Variants in VIP observed in about 807,000 individuals in gnomAD.
VIP encodes the protein vasoactive intestinal peptide, also known as VIP peptides.
Under a neutral mutation model 20.1 loss-of-function variants are expected in VIP, and 18 were observed. The observed-to-expected ratio is 0.90, with a 90% CI of 0.62 to 1.33. The LOEUF (loss-of-function observed/expected upper bound fraction) is 1.33, where lower values mean the gene tolerates loss of function less well. Among genes scored for constraint, VIP ranks in the 40% most tolerant of loss-of-function variants. VIP has a pLI of 0.00. For missense variants in VIP, 209 were observed against 199.4 expected, an observed-to-expected ratio of 1.05 and a Z score of -0.29; for synonymous variants, 70 against 68.1, an observed-to-expected ratio of 1.03 and a Z score of -0.14.
intron 5 of VIP, 106 bp from the exon 6 acceptor site, chr6:152,756,990 C>T: frequency 1.9e-6 from 2 of 1,036,838 alleles, no homozygotes; most frequent in Non-Finnish European, 1.4e-6. Context: ...CCTCCCCATA[C>T]ACTTTCAGAG....
chr6:152,758,291 T>A (rs1441601714), intron 6 of VIP, among the ~76,000 whole-genome samples: 1 of 151,948 alleles, frequency 6.6e-6, no homozygotes, highest in African/African-American at 2.4e-5. Flanking sequence ...GGACATGGTG[T>A]CTGGGAAGAT....
intron 4 of VIP, among the ~76,000 whole-genome samples, chr6:152,755,768 G>A (rs1471738151): frequency 6.6e-6 from 1 of 151,588 alleles, no homozygotes; most frequent in Non-Finnish European, 1.5e-5. Context: ...CAAATATTTA[G>A]ATGACGTTGC....
rs1034736509 is a variant in VIP, at chr6:152,759,279, C to T, written c.*413C>T. The T allele has an allele frequency of 1.3e-5, 2 of 151,836 alleles. No individual in the cohort carries two copies. Among genetic ancestry groups the T allele is most frequent in the Non-Finnish European group, 2.9e-5 (2 of 67,920 alleles). 9.4% of individuals were successfully genotyped at this position (151,836 alleles called of 1,614,324 possible). A position where few individuals can be genotyped will look rare whatever the true frequency, so the allele number is the denominator to read the frequency against. On this transcript the variant is annotated 3_prime_UTR_variant, in exon 7 of 7. Transcript: ENST00000367244. ...TACTTAACTATTCAGGAGAGTAGAA[C>T]AGATAATCAGTGTGTCTAAATTTGA... is the stretch of plus-strand genomic sequence containing the variant.
At chr6:152,753,834 A>C (rs2129074372) in intron 2 of VIP, among the ~76,000 whole-genome samples, 1 of 152,170 alleles carries the variant, frequency 6.6e-6, no homozygotes, top group Admixed American at 6.6e-5. Context: ...ACGAAATTTG[A>C]CTTTGCAAAG....
intron 5 of VIP, 132 bp from the exon 6 acceptor site, chr6:152,756,964 A>G (rs2099730517): frequency 1.3e-6 from 1 of 742,636 alleles, no homozygotes; most frequent in Admixed American, 3.0e-5. Context: ...AACAAACCTC[A>G]AAGATAATTG....
intron 3 of VIP, 131 bp downstream of exon 3, chr6:152,754,419 A>G: frequency 2.4e-6 from 2 of 824,936 alleles, no homozygotes; most frequent in South Asian, 2.4e-5. Flanking sequence ...TCTATGTGTC[A>G]TGGCTTCATT....
rs1469729075 is a variant in VIP at position 152,752,278 on chromosome 6, C to T, written c.101C>T (p.Ala34Val). 1 of 1,612,128 alleles carries T rather than the reference C, an allele frequency of 6.2e-7. No homozygotes were observed. Among genetic ancestry groups the T allele is most frequent in the Admixed American group, 1.7e-5 (1 of 59,992 alleles). Residue 34 changes from alanine (A) to valine (V), a missense_variant, in exon 2 of 7, where the codon GCT (alanine) becomes GTT (valine). Physicochemically the swap from Ala to Val is moderately conservative, Grantham distance 64. Transcript: ENST00000367244. ...TGGCCTCTTTACAGGGCACCTTCTG[C>T]TCTCAGGTAAGTTCCCTTTCAATTC... Reference protein sequence around the residue: ...SAWPLYRAPSALRLGDRIPFE... With the variant: ...SAWPLYRAPSVLRLGDRIPFE...
intron 6 of VIP, among the ~76,000 whole-genome samples, chr6:152,758,372 T>C (rs1377862207): frequency 2.0e-5 from 3 of 151,980 alleles, no homozygotes; most frequent in Non-Finnish European, 1.5e-5. Context: ...GGCAGGAGTG[T>C]GGCCCACATC....
chr6:152,756,833 G>A (rs1368281401), intron 5 of VIP, among the ~76,000 whole-genome samples: 1 of 151,788 alleles, frequency 6.6e-6, no homozygotes, highest in African/African-American at 2.4e-5. Context: ...TTTAAGTGAT[G>A]AGTATTAAGG....
chr6:152,757,254 C>T, intron 6 of VIP, 70 bp downstream of exon 6: 1 of 1,019,018 alleles, frequency 9.8e-7, no homozygotes, highest in Non-Finnish European at 1.5e-6. Context: ...CTAAGAGTCA[C>T]TTAGTAAGAA....
At chr6:152,756,705 C>A (rs2129074968) in intron 5 of VIP, among the ~76,000 whole-genome samples, 1 of 152,004 alleles carries the variant, frequency 6.6e-6, no homozygotes, top group East Asian at 1.9e-4. Context: ...TCAAATTAAA[C>A]CATTAGGTAT....
At chr6:152,753,165 C>T (rs1393674844) in intron 2 of VIP, among the ~76,000 whole-genome samples, 4 of 152,068 alleles carry the variant, frequency 2.6e-5, no homozygotes, top group African/African-American at 9.7e-5. Context: ...AATACAGCTC[C>T]TGCGTTGCTT....
intron 3 of VIP, 33 bp downstream of exon 3, chr6:152,754,321 T>C (rs1312560994): frequency 1.9e-6 from 3 of 1,569,678 alleles, no homozygotes; most frequent in African/African-American, 2.7e-5. Context: ...ATCCAATGAG[T>C]TTTATTTTAG....
At chr6:152,751,853 G>A (rs879932564) in intron 1 of VIP, among the ~76,000 whole-genome samples, 4 of 152,054 alleles carry the variant, frequency 2.6e-5, no homozygotes, top group Non-Finnish European at 5.9e-5. Flanking sequence ...AAGCTTGAGT[G>A]GTACATCCCT....
chr6:152,757,008 A>G, intron 5 of VIP, 88 bp from the exon 6 acceptor site: 21 of 1,307,170 alleles, frequency 1.6e-5, no homozygotes, highest in Non-Finnish European at 2.3e-5. Flanking sequence ...GAGCACAGAG[A>G]ACAGCACATT....
Position 152,755,256 on chromosome 6 carries a change from T to C in VIP, c.231-13T>C. 4.6e-6 allele frequency: 7 copies of C among 1,537,830 alleles called. No homozygotes were observed. Among genetic ancestry groups the C allele is most frequent in the Non-Finnish European group, 6.1e-6 (7 of 1,141,942 alleles). ...TTACAAAATAATAGCTATTTTTTTCTTCCTTGTTTTAGAAATGCCAGGCAT... is the reference window on the plus strand; with the variant it reads ...TTACAAAATAATAGCTATTTTTTTCCTCCTTGTTTTAGAAATGCCAGGCAT... On this transcript the variant is annotated splice_polypyrimidine_tract_variant and intron_variant, in intron 3 of 6. Coordinates refer to ENST00000367244, the MANE Select transcript of VIP (RefSeq NM_003381.4).
chr6:152,753,349 G>A (rs1048063496), intron 2 of VIP, among the ~76,000 whole-genome samples: 8 of 152,126 alleles, frequency 5.3e-5, no homozygotes, highest in African/African-American at 7.2e-5. Flanking sequence ...GAGCTGACAC[G>A]CTCCTTGGAT....
chr6:152,751,625 G>A (rs75183266), intron 1 of VIP, among the ~76,000 whole-genome samples: 3,472 of 152,016 alleles, frequency 0.023, 150 homozygotes, highest in African/African-American at 0.079. Flanking sequence ...ATAAGTTTCC[G>A]TAATATCTAC....
intron 4 of VIP, 30 bp from the exon 5 acceptor site, chr6:152,756,104 C>T: frequency 6.7e-7 from 1 of 1,492,562 alleles, no homozygotes. Context: ...TGTGAAAACT[C>T]TTTGATTTCC....
Sources: allele counts gnomAD v4.1 joint callset (sites outside exome capture counted in the v4.1 genomes callset), GRCh38; gene constraint gnomAD v4.1.1; transcripts MANE v1.5; gene names NCBI Gene and HGNC (gene_info 2026-07-23, HGNC 2026-07-21).